The following NEGR1 variants were observed in gnomAD, a reference collection of about 807,000 sequenced individuals.
NEGR1 encodes IgLON family member 4.
A neutral mutation model predicts 40.9 loss-of-function variants in NEGR1; 10 were observed. That is an observed-to-expected ratio of 0.24 (90% CI 0.15 to 0.42). NEGR1 has a LOEUF of 0.42. Among genes scored for constraint, NEGR1 ranks in the 10% least tolerant of loss-of-function variants. NEGR1 has a pLI of 1.00. For missense variants in NEGR1, 352 were observed against 438.9 expected (o/e 0.80, Z 1.77); for synonymous variants, 185 against 166.8 (o/e 1.11, Z -0.84).
Position 72,135,850 on chromosome 1 carries a change from C to T in NEGR1, c.176+146469G>A, listed in dbSNP as rs562699906. On this transcript the variant is annotated intron_variant, in intron 1 of 6. Transcript: ENST00000357731. ...ACATCTACATGCAATAGAGTGACTA[C>T]TTTTAGTAGCTAGACTTGAAATCTC... is the stretch of plus-strand genomic sequence containing the variant. Among the ~76,000 whole-genome samples, 20 of 152,328 alleles carry T rather than the reference C, an allele frequency of 1.3e-4. No homozygotes were observed. In the South Asian group the frequency reaches 3.3e-3, roughly 25 times the overall value.
intron 4 of NEGR1, among the ~76,000 whole-genome samples, chr1:71,677,997 C>A (rs967657901): frequency 1.3e-5 from 2 of 152,158 alleles, no homozygotes; most frequent in African/African-American, 4.8e-5. Flanking sequence ...AAATTTGTGT[C>A]CTGAGATGGA....
chr1:71,609,976 G>T (rs866716343), intron 5 of NEGR1, among the ~76,000 whole-genome samples: 4 of 152,068 alleles, frequency 2.6e-5, no homozygotes, highest in Non-Finnish European at 5.9e-5. Context: ...GATTTGCTTG[G>T]GACTTCTCTC....
chr1:72,095,000 A>G (rs777455772), intron 1 of NEGR1, among the ~76,000 whole-genome samples: 12 of 152,202 alleles, frequency 7.9e-5, no homozygotes, highest in Non-Finnish European at 1.3e-4. Flanking sequence ...CCACCACTAC[A>G]GTACACAAGA....
intron 1 of NEGR1, among the ~76,000 whole-genome samples, chr1:71,942,765 G>T (rs1471518840): frequency 6.8e-6 from 1 of 147,228 alleles, no homozygotes; most frequent in African/African-American, 2.5e-5. Flanking sequence ...GCCTCCCAAA[G>T]TGCTGGGATT....
intron 2 of NEGR1, among the ~76,000 whole-genome samples, chr1:71,871,665 A>G (rs927154591): frequency 2.0e-5 from 3 of 152,202 alleles, no homozygotes; most frequent in African/African-American, 7.2e-5. Context: ...AGACAAATTG[A>G]TTCTGAAACA....
At chr1:71,522,775 A>G in intron 6 of NEGR1, among the ~76,000 whole-genome samples, 1 of 151,216 alleles carries the variant, frequency 6.6e-6, no homozygotes, top group East Asian at 2.0e-4. Flanking sequence ...CTTTTTAAAA[A>G]CCAAGCCTAA....
At chr1:71,739,865 C>A (rs779125372) in intron 3 of NEGR1, among the ~76,000 whole-genome samples, 1 of 152,088 alleles carries the variant, frequency 6.6e-6, no homozygotes, top group African/African-American at 2.4e-5. Context: ...TATTTAATAG[C>A]TTTTAAGTTT....
intron 1 of NEGR1, among the ~76,000 whole-genome samples, chr1:72,096,752 C>T (rs1394650223): frequency 2.0e-5 from 3 of 152,082 alleles, no homozygotes; most frequent in African/African-American, 7.2e-5. Context: ...GCTCCACCTC[C>T]CGGGTTCACA....
chr1:71,550,328 A>G (rs945932601), intron 6 of NEGR1, among the ~76,000 whole-genome samples: 1 of 151,568 alleles, frequency 6.6e-6, no homozygotes, highest in Non-Finnish European at 1.5e-5. Flanking sequence ...AATTGACACT[A>G]TGTTGTGTCC....
chr1:71,771,293 T>C (rs1656311827), intron 3 of NEGR1, among the ~76,000 whole-genome samples: 1 of 152,082 alleles, frequency 6.6e-6, no homozygotes, highest in Non-Finnish European at 1.5e-5. Context: ...CACTGGGGCC[T>C]GTCAGGGGGT....
chr1:71,422,877 A>C (rs531130796), intron 6 of NEGR1: 1 of 151,228 alleles, frequency 6.6e-6, no homozygotes, highest in South Asian at 2.1e-4. Flanking sequence ...CTTTATATTG[A>C]ACATTTTGAG....
intron 1 of NEGR1, among the ~76,000 whole-genome samples, chr1:72,004,490 G>C (rs546035620): frequency 6.6e-6 from 1 of 152,112 alleles, no homozygotes; most frequent in African/African-American, 2.4e-5. Flanking sequence ...CACCATGTTT[G>C]TCAGGCTGGT....
intron 2 of NEGR1, among the ~76,000 whole-genome samples, chr1:71,907,559 GA>G (rs1194535504): frequency 6.6e-6 from 1 of 152,104 alleles, no homozygotes; most frequent in Non-Finnish European, 1.5e-5. Context: ...TATTGTTGGT[GA>G]AAATGTAAAT....
chr1:71,949,880 A>C (rs902609073), intron 1 of NEGR1, among the ~76,000 whole-genome samples: 6 of 152,120 alleles, frequency 3.9e-5, no homozygotes, highest in Admixed American at 3.9e-4. Flanking sequence ...CTGTCTTAGA[A>C]AAACAAATGG....
intron 6 of NEGR1, among the ~76,000 whole-genome samples, chr1:71,565,545 C>T (rs1235855991): frequency 1.3e-5 from 2 of 152,120 alleles, no homozygotes; most frequent in African/African-American, 4.8e-5. Context: ...AACTCAGGCC[C>T]TCTAAATAGG....
intron 1 of NEGR1, among the ~76,000 whole-genome samples, chr1:72,117,751 G>A (rs1157091000): frequency 6.6e-6 from 1 of 151,796 alleles, no homozygotes; most frequent in Middle Eastern, 3.2e-3. Context: ...GCGTCTGGGG[G>A]TGGACACCTG....
At chr1:72,131,586 C>T (rs1019283920) in intron 1 of NEGR1, among the ~76,000 whole-genome samples, 9 of 152,028 alleles carry the variant, frequency 5.9e-5, no homozygotes, top group African/African-American at 9.7e-5. Flanking sequence ...AGTCCAAATA[C>T]GATAACAAGA....
chr1:71,408,480 T>A (rs1057236639), intron 6 of NEGR1, among the ~76,000 whole-genome samples: 1 of 152,098 alleles, frequency 6.6e-6, no homozygotes, highest in African/African-American at 2.4e-5. Context: ...CTAACAGTCA[T>A]GTTGAATTTT....
intron 6 of NEGR1, among the ~76,000 whole-genome samples, chr1:71,491,307 G>A (rs1158878339): frequency 6.6e-6 from 1 of 152,046 alleles, no homozygotes; most frequent in African/African-American, 2.4e-5. Flanking sequence ...AGGGACTTGA[G>A]CATCTTTGGG....
Sources: gnomAD v4.1 joint callset for allele counts (sites outside exome capture counted in the v4.1 genomes callset) on GRCh38, gnomAD v4.1.1 for gene constraint, MANE v1.5 for transcripts, NCBI Gene and HGNC (gene_info 2026-07-23, HGNC 2026-07-21) for gene names.